CARD8: variants seen among roughly 807,000 people sequenced by gnomAD.
The protein encoded by CARD8 is caspase recruitment domain-containing protein 8.
A neutral mutation model predicts 53.2 loss-of-function variants in CARD8; 38 were observed. The ratio of observed to expected loss-of-function variants is 0.71; its 90% CI spans 0.55 to 0.94. The LOEUF is 0.94. CARD8 is among the 40% of genes least tolerant of loss of function. The pLI is 0.00. For missense variants in CARD8, 561 were observed against 655.5 expected (o/e 0.86, Z 1.57); for synonymous variants, 245 against 244.9 (o/e 1.00, Z 0.00).
At position 48,230,498 on chromosome 19, in the gene CARD8, G is replaced by A. The variant is rs1600383981; in HGVS notation, c.975C>T (p.Pro325=). 2 of 1,614,102 alleles carry A rather than the reference G, an allele frequency of 1.2e-6. No homozygotes were observed. The highest frequency in any genetic ancestry group is 1.7e-6 in the Non-Finnish European group (2 of 1,179,966). Residue 325 remains proline, a synonymous_variant, in exon 10 of 14, where the codon CCC becomes CCT. Coordinates refer to ENST00000651546, the MANE Select transcript of CARD8 (RefSeq NM_001184900.3). ...AGTGGAACTTAATATCTTCGGGGTG[G>A]GGGTGATAATAGATCAATGTGTTGG... is the stretch of plus-strand genomic sequence containing the variant. ...ITSNTLIYYH[P]HPEDIKFHLY...
chr19:48,216,352 C>T (rs2039294418), intron 12 of CARD8, among the ~76,000 whole-genome samples: 1 of 152,160 alleles, frequency 6.6e-6, no homozygotes, highest in Non-Finnish European at 1.5e-5. Context: ...ACGGCTTCTT[C>T]GCATATTAAA....
chr19:48,250,407 T>C (rs1207587294), intron 1 of CARD8, among the ~76,000 whole-genome samples: 2 of 152,198 alleles, frequency 1.3e-5, no homozygotes, highest in Non-Finnish European at 2.9e-5. Flanking sequence ...TGCAAGGTTG[T>C]GGGTTTTGTA....
At chr19:48,234,314 A>ATTCCTCT (rs1381179729) in intron 6 of CARD8, 89 bp downstream of exon 6, 43 of 1,384,216 alleles carry the variant, frequency 3.1e-5, no homozygotes, top group Non-Finnish European at 4.2e-5. Context: ...AGTTCGATGA[A>ATTCCTCT]AAACACCCAA....
intron 13 of CARD8, 98 bp downstream of exon 13, chr19:48,215,242 G>T: frequency 1.2e-6 from 1 of 853,420 alleles, no homozygotes; most frequent in African/African-American, 1.7e-5. Flanking sequence ...TGCCAGTAAC[G>T]TTCTGGTGCC....
chr19:48,224,944 G>A (rs142967887), intron 10 of CARD8, among the ~76,000 whole-genome samples: 180 of 151,828 alleles, frequency 1.2e-3, no homozygotes, highest in African/African-American at 4.2e-3. Flanking sequence ...TAGTAGAGAC[G>A]GGGTTTCACC....
chr19:48,237,142 G>A (rs545443152), intron 5 of CARD8, among the ~76,000 whole-genome samples: 2 of 152,018 alleles, frequency 1.3e-5, no homozygotes, highest in Non-Finnish European at 2.9e-5. Flanking sequence ...AAAGAAAAGA[G>A]GTTTAATTGG....
Position 48,211,858 on chromosome 19 carries a change from A to G in CARD8, c.1466T>C (p.Val489Ala). Reference protein sequence around the residue: ...EVLTENEKELVEQEKTRQSKN... With the variant: ...EVLTENEKELAEQEKTRQSKN... ...GCTCTGCCGTGTCTTTTCCTGCTCC[A>G]CCAGCTCCTTCTCATTCTCAGTAAG... Residue 489 changes from valine to alanine, a missense_variant, in exon 14 of 14, where the codon GTG (valine) becomes GCG (alanine). By Grantham distance (64) the Val-to-Ala change is moderately conservative. Coordinates refer to ENST00000651546, the MANE Select transcript of CARD8 (RefSeq NM_001184900.3). 2 of 1,614,056 alleles carry G rather than the reference A, an allele frequency of 1.2e-6. No homozygotes were observed. The highest frequency in any genetic ancestry group is 1.7e-6 in the Non-Finnish European group (2 of 1,180,010).
chr19:48,205,687 A>G (rs545021813), downstream of CARD8, among the ~76,000 whole-genome samples: 79 of 152,162 alleles, frequency 5.2e-4, no homozygotes, highest in Non-Finnish European at 1.0e-3. Context: ...GAGAGGTTAA[A>G]TAACTTGGCC....
intron 13 of CARD8, among the ~76,000 whole-genome samples, chr19:48,213,837 T>G (rs2038583619): frequency 6.6e-6 from 1 of 152,234 alleles, no homozygotes; most frequent in Non-Finnish European, 1.5e-5. Flanking sequence ...CCACGCTGTT[T>G]TGAAGAGCCA....
intron 11 of CARD8, among the ~76,000 whole-genome samples, chr19:48,221,016 G>GAA (rs1328304625): frequency 1.4e-5 from 2 of 143,564 alleles, no homozygotes; most frequent in Admixed American, 1.4e-4. Context: ...GAAAAAGAAA[G>GAA]AAAGAAAGAG....
In CARD8 at chr19:48,211,482, A is replaced by C. The variant is rs139676879; in HGVS notation, c.*228T>G. The C allele has an allele frequency of 2.6e-4, 127 of 493,496 alleles. No homozygotes were observed. Among genetic ancestry groups the C allele is most frequent in the African/African-American group, 2.3e-3 (120 of 51,732 alleles). 30.6% of individuals were successfully genotyped at this position (493,496 alleles called of 1,614,324 possible). On this transcript the variant is annotated 3_prime_UTR_variant, in exon 14 of 14. Coordinates refer to ENST00000651546, the MANE Select transcript of CARD8 (RefSeq NM_001184900.3). ...TGATATATCAAGCAATGGTTGGAAA[A>C]AATTTAAAAGGAATATTACTACCTT...
intron 12 of CARD8, 50 bp from the exon 13 acceptor site, chr19:48,215,434 C>A: frequency 7.8e-7 from 1 of 1,274,010 alleles, no homozygotes; most frequent in African/African-American, 1.5e-5. Flanking sequence ...ATCATGTACC[C>A]TTATTTAGCT....
chr19:48,214,632 G>A (rs546110490), intron 13 of CARD8, among the ~76,000 whole-genome samples: 110 of 152,230 alleles, frequency 7.2e-4, no homozygotes, highest in African/African-American at 2.3e-3. Context: ...CAGGGAAGAA[G>A]GGATGCAAGA....
chr19:48,203,246 G>C (rs2037234076), downstream of CARD8: 1 of 152,178 alleles, frequency 6.6e-6, no homozygotes, highest in Non-Finnish European at 1.5e-5. Flanking sequence ...ACCTCTTCCT[G>C]AAAGCCATCC....
chr19:48,230,338 T>G (rs560990777), intron 10 of CARD8, 100 bp downstream of exon 10: 44 of 1,323,372 alleles, frequency 3.3e-5, no homozygotes, highest in Non-Finnish European at 4.4e-5. Flanking sequence ...ATGAAAACCA[T>G]GCCTTGCCCT....
chr19:48,231,686 C>A lies in CARD8; in HGVS notation c.516G>T (p.Leu172Phe). ...LGPEGNVDVE[L>F]IDKSTNRYSV... Reference sequence around the variant, plus strand: ...TGTATCTGTTTGTGCTCTTATCAATCAACTCAACATCCACATTTCCTTCAG... The same window carrying A: ...TGTATCTGTTTGTGCTCTTATCAATAAACTCAACATCCACATTTCCTTCAG... The change falls in exon 8 of 14, where the codon TTG becomes TTT. Residue 172 changes from leucine to phenylalanine, a missense_variant. Coordinates refer to ENST00000651546, the MANE Select transcript of CARD8 (RefSeq NM_001184900.3). 6.2e-7 allele frequency: 1 copy of A among 1,608,008 alleles called. No individual in the cohort carries two copies. The highest frequency in any genetic ancestry group is 8.5e-7 in the Non-Finnish European group (1 of 1,177,286).
chr19:48,214,880 C>G (rs1325749545), intron 13 of CARD8, among the ~76,000 whole-genome samples: 1 of 140,822 alleles, frequency 7.1e-6, no homozygotes, highest in Non-Finnish European at 1.5e-5. Context: ...CCTCTGCCTC[C>G]CGGGTTCAAG....
chr19:48,240,945 A>G lies in CARD8; in HGVS notation c.59+17T>C. Reference sequence around the variant, plus strand: ...AATCAGCCATCAGGAGCCCTCACAGAGCGCAAAGTCACTCACCGTCTCGGC... The same window carrying G: ...AATCAGCCATCAGGAGCCCTCACAGGGCGCAAAGTCACTCACCGTCTCGGC... On this transcript the variant is annotated intron_variant, in intron 4 of 13. Coordinates refer to ENST00000651546, the MANE Select transcript of CARD8 (RefSeq NM_001184900.3). 1.3e-6 allele frequency: 2 copies of G among 1,532,950 alleles called. No homozygotes were observed. Among genetic ancestry groups the G allele is most frequent in the Non-Finnish European group, 1.7e-6 (2 of 1,143,948 alleles). 95.0% of individuals were successfully genotyped at this position (1,532,950 alleles called of 1,614,324 possible). A position where few individuals can be genotyped will look rare whatever the true frequency, so the allele number is the denominator to read the frequency against.
At chr19:48,255,430 T>C (rs1967051500) in intron 1 of CARD8, among the ~76,000 whole-genome samples, 1 of 152,230 alleles carries the variant, frequency 6.6e-6, no homozygotes, top group South Asian at 2.1e-4. Context: ...TTAACACTTC[T>C]AATAATTAAA....
Sources: gnomAD v4.1 joint callset for allele counts (sites outside exome capture counted in the v4.1 genomes callset) on GRCh38, gnomAD v4.1.1 for gene constraint, MANE v1.5 for transcripts, NCBI Gene and HGNC (gene_info 2026-07-23, HGNC 2026-07-21) for gene names.